Variants in BBS2 observed in about 807,000 individuals in gnomAD.
BBS2 encodes BBSome complex member BBS2.
Under a neutral mutation model 83.0 loss-of-function variants are expected in BBS2, and 62 were observed. That is an observed-to-expected ratio of 0.75 (90% CI 0.61 to 0.92). The LOEUF is 0.92. Among genes scored for constraint, BBS2 ranks in the 40% least tolerant of loss-of-function variants. The pLI, the probability that BBS2 is intolerant of heterozygous loss-of-function variation, is 0.00. For synonymous variants in BBS2, 303 were observed against 326.1 expected (o/e 0.93, Z 0.76); for missense variants, 784 against 901.0 (o/e 0.87, Z 1.66).
At position 56,506,156 on chromosome 16, in the gene BBS2, T is replaced by G; in HGVS notation, c.681A>C (p.Gly227=). The G allele has an allele frequency of 6.2e-7, 1 of 1,614,044 alleles. No homozygotes were observed. Among genetic ancestry groups the G allele is most frequent in the East Asian group, 2.2e-5 (1 of 44,862 alleles). ...AGTATCGGGATGTTTTGTCATAAACTCCAACTGTGCCATTGGAAAGGGCAT... is the reference window on the plus strand; with the variant it reads ...AGTATCGGGATGTTTTGTCATAAACGCCAACTGTGCCATTGGAAAGGGCAT... ...FGYALSNGTV[G]VYDKTSRYWR... Residue 227 remains glycine, a synonymous_variant, in exon 6 of 17, where the codon GGA becomes GGC. Coordinates refer to ENST00000245157, the MANE Select transcript of BBS2 (RefSeq NM_031885.5).
chr16:56,505,159 A>G (rs1433281318), intron 7 of BBS2, among the ~76,000 whole-genome samples: 1 of 152,240 alleles, frequency 6.6e-6, no homozygotes, highest in Admixed American at 6.5e-5. Flanking sequence ...ACAGACTTTC[A>G]TATTTCTTAA....
downstream of BBS2, among the ~76,000 whole-genome samples, chr16:56,483,030 G>A (rs1374455981): frequency 6.6e-6 from 1 of 152,076 alleles, no homozygotes; most frequent in African/African-American, 2.4e-5. Flanking sequence ...GCATTGTTAG[G>A]CTACTTTGTC....
chr16:56,474,874 C>T (rs560342887), intron 17 of BBS2: 12 of 1,612,722 alleles, frequency 7.4e-6, no homozygotes, highest in African/African-American at 4.0e-5. Context: ...ATTGGAAGAC[C>T]GGTCACTACA....
At chr16:56,511,084 G>A in intron 3 of BBS2, 75 bp downstream of exon 3, 1 of 1,589,098 alleles carries the variant, frequency 6.3e-7, no homozygotes, top group Non-Finnish European at 8.6e-7. Flanking sequence ...TTACTCAGTA[G>A]AGTTGGTGGT....
chr16:56,500,025 T>C, intron 11 of BBS2, 118 bp from the exon 12 acceptor site: 4 of 1,278,490 alleles, frequency 3.1e-6, no homozygotes, highest in East Asian at 2.4e-5. Context: ...GGGTTTCACT[T>C]AAGAAGGAAC....
chr16:56,490,545 G>A (rs1377594786), intron 15 of BBS2, among the ~76,000 whole-genome samples: 5 of 151,698 alleles, frequency 3.3e-5, no homozygotes, highest in African/African-American at 1.2e-4. Context: ...GGAGGCTGAG[G>A]CAGGAGAATC....
chr16:56,499,710 TTCTATGAAATAACA>T, intron 12 of BBS2, 54 bp downstream of exon 12: 1 of 1,599,540 alleles, frequency 6.3e-7, no homozygotes, highest in South Asian at 1.1e-5. Flanking sequence ...AATTTTCCCT[TTCTATGAAATAACA>T]TCTAAAGGAT....
At chr16:56,519,189 G>A (rs1212649155) in intron 1 of BBS2, among the ~76,000 whole-genome samples, 4 of 152,016 alleles carry the variant, frequency 2.6e-5, no homozygotes, top group African/African-American at 7.3e-5. Context: ...AAATTAGCCA[G>A]GCGTGGTGGC....
At chr16:56,475,985 A>T in intron 17 of BBS2, 1 of 1,458,852 alleles carries the variant, frequency 6.9e-7, no homozygotes, top group Non-Finnish European at 9.4e-7. Context: ...ATGGTTAATC[A>T]TCCAAGATTT....
chr16:56,501,730 C>A (rs372977454), intron 9 of BBS2: 5 of 560,096 alleles, frequency 8.9e-6, no homozygotes, highest in Non-Finnish European at 1.6e-5. Context: ...CCACTGTATC[C>A]CATCATGACT....
At chr16:56,501,057 A>G in intron 10 of BBS2, 32 bp from the exon 11 acceptor site, 1 of 1,612,500 alleles carries the variant, frequency 6.2e-7, no homozygotes, top group Non-Finnish European at 8.5e-7. Context: ...GTTTAAGAAC[A>G]ACTCCAACTT....
At chr16:56,475,571 T>A in intron 17 of BBS2, 1 of 1,612,528 alleles carries the variant, frequency 6.2e-7, no homozygotes, top group South Asian at 1.1e-5. Flanking sequence ...AAGAGGTAAG[T>A]TTCTTCTGAT....
At position 56,474,801 on chromosome 16, in the gene BBS2, G is replaced by C. The variant is rs752898522; in HGVS notation, c.*1-4106C>G. 3.0e-5 allele frequency: 48 copies of C among 1,585,240 alleles called. No individual in the cohort carries two copies. The South Asian group carries it at 5.1e-4, about 17-fold the overall frequency. On this transcript the variant is annotated intron_variant, in intron 17 of 17. Coordinates refer to the BBS2 transcript ENST00000682047. ...AGTTCTATCAAGGTTATTTTTTAAA[G>C]TTTCTCATCTTTTTTTTTTTCCTTA...
At chr16:56,510,491 T>G (rs1964545264) in intron 4 of BBS2, among the ~76,000 whole-genome samples, 1 of 152,208 alleles carries the variant, frequency 6.6e-6, no homozygotes, top group South Asian at 2.1e-4. Flanking sequence ...AGCCAATCTC[T>G]AAAACATTTA....
intron 17 of BBS2, chr16:56,475,073 G>A: frequency 1.0e-6 from 1 of 1,002,584 alleles, no homozygotes; most frequent in Non-Finnish European, 1.5e-6. Context: ...CACATCATGG[G>A]ATCTCAAAGT....
At chr16:56,503,547 A>T (rs1446644340) in intron 7 of BBS2, among the ~76,000 whole-genome samples, 2 of 152,130 alleles carry the variant, frequency 1.3e-5, no homozygotes, top group Admixed American at 6.6e-5. Context: ...CCCATTTCCA[A>T]GAGAGAGAAC....
downstream of BBS2, among the ~76,000 whole-genome samples, chr16:56,480,366 C>CAAAAAAAAAAAAAAAA (rs1157907841): frequency 2.2e-5 from 2 of 90,256 alleles, no homozygotes; most frequent in Non-Finnish European, 4.7e-5. Context: ...AAAAAAAAAA[C>CAAAAAAAAAAAAAAAA]AAAAAAAAAA....
chr16:56,480,376 A>AAAC (rs1555519799), downstream of BBS2, among the ~76,000 whole-genome samples: 1 of 142,402 alleles, frequency 7.0e-6, no homozygotes, highest in Non-Finnish European at 1.5e-5. Context: ...CAAAAAAAAA[A>AAAC]ACAAAGCTTG....
intron 7 of BBS2, 61 bp from the exon 8 acceptor site, chr16:56,502,869 T>TA: frequency 6.3e-7 from 1 of 1,584,368 alleles, no homozygotes; most frequent in Non-Finnish European, 8.6e-7. Flanking sequence ...CCACAAAATT[T>TA]AAAAATAAAA....
Sources: gnomAD v4.1 joint callset for allele counts (sites outside exome capture counted in the v4.1 genomes callset) on GRCh38, gnomAD v4.1.1 for gene constraint, MANE v1.5 for transcripts, NCBI Gene and HGNC (gene_info 2026-07-23, HGNC 2026-07-21) for gene names.